Variants in C17orf67 observed in about 807,000 individuals in gnomAD.
C17orf67 encodes chromosome 17 open reading frame 67, also known as uncharacterized protein C17orf67.
Under a neutral mutation model 11.2 loss-of-function variants are expected in C17orf67, and 12 were observed. The observed-to-expected ratio is 1.07, with a 90% CI of 0.68 to 1.73. The LOEUF is 1.73. C17orf67 is among the 40% of genes most tolerant of loss of function. The pLI, the probability that C17orf67 is intolerant of heterozygous loss-of-function variation, is 0.00. For missense variants in C17orf67, 115 were observed against 113.5 expected, an observed-to-expected ratio of 1.01 and a Z score of -0.06; for synonymous variants, 59 against 46.9, an observed-to-expected ratio of 1.26 and a Z score of -1.05.
chr17:56,828,841 GCACAGTGATGACAAAAAAAAAAAAAAAAA>G (rs955860459), intron 2 of C17orf67, among the ~76,000 whole-genome samples: 11 of 123,002 alleles, frequency 8.9e-5, no homozygotes, highest in African/African-American at 3.7e-4. Context: ...TCACAGGCAA[GCACAGTGATGACAAAAAAAAAAAAAAAAA>G]CACTGCAGAG....
Position 56,800,384 on chromosome 17 carries a change from T to C in C17orf67, c.157-5204A>G, listed in dbSNP as rs578181276. Among the ~76,000 whole-genome samples the C allele has an allele frequency of 2.0e-5, 3 of 152,292 alleles. No homozygotes were observed. The South Asian group carries it at 6.2e-4, about 32-fold the overall frequency. ...CCGGCAGCAAAGTGATATATTTTTT[T>C]AATTTACCCACGTTGCTTCTTCACT... On this transcript the variant is annotated intron_variant, in intron 6 of 7. Transcript: ENST00000397861.
chr17:56,809,986 AC>A (rs1175589151), intron 6 of C17orf67, among the ~76,000 whole-genome samples: 1 of 130,648 alleles, frequency 7.7e-6, no homozygotes, highest in Non-Finnish European at 1.6e-5. Flanking sequence ...CCTTGCACAG[AC>A]CCTTCACACA....
At chr17:56,815,486 TA>T (rs1905737183) in intron 5 of C17orf67, among the ~76,000 whole-genome samples, 1 of 152,168 alleles carries the variant, frequency 6.6e-6, no homozygotes, top group African/African-American at 2.4e-5. Flanking sequence ...TGATCTCATA[TA>T]AACTCTAAAA....
At position 56,825,336 on chromosome 17, in the gene C17orf67, T is replaced by A. The variant is rs2144148829; in HGVS notation, c.-556-15A>T. 1 of 152,360 alleles carries A rather than the reference T, an allele frequency of 6.6e-6. No individual in the cohort carries two copies. Among genetic ancestry groups the A allele is most frequent in the South Asian group, 2.1e-4 (1 of 4,832 alleles). The allele number at this position is 152,360 out of a possible 1,614,324, so 9.4% of individuals were successfully genotyped here. On this transcript the variant is annotated splice_polypyrimidine_tract_variant and intron_variant, in intron 2 of 7. Coordinates refer to ENST00000397861, the MANE Select transcript of C17orf67 (RefSeq NM_001085430.4). ...GTTTTCTTCATCTGTAAAATAAGGA[T>A]GATAAACTTAACACAGTGCCTAGGA...
At chr17:56,799,984 G>GTAAAA (rs1555590469) in intron 6 of C17orf67, among the ~76,000 whole-genome samples, 1 of 140,362 alleles carries the variant, frequency 7.1e-6, no homozygotes, top group Non-Finnish European at 1.5e-5. Context: ...TTAAAGTCAT[G>GTAAAA]AAAAAAAAAA....
chr17:56,831,755 C>A (rs183664979), intron 2 of C17orf67, among the ~76,000 whole-genome samples: 50 of 152,272 alleles, frequency 3.3e-4, no homozygotes, highest in East Asian at 9.6e-4. Context: ...AAACACGTGT[C>A]TATGCAGGTC....
chr17:56,796,948 G>T lies in C17orf67; in HGVS notation c.157-1768C>A, dbSNP rs79176018. Among the ~76,000 whole-genome samples, 76 of 152,156 alleles carry T rather than the reference G, an allele frequency of 5.0e-4. No individual in the cohort carries two copies. In the East Asian group the frequency reaches 0.013, roughly 26 times the overall value. On this transcript the variant is annotated intron_variant, in intron 6 of 7. Coordinates refer to ENST00000397861, the MANE Select transcript of C17orf67 (RefSeq NM_001085430.4). Reference sequence around the variant, plus strand: ...GTCTACCTGCAAGGAGTCAGCATCTGCCTCTACCCACGGGTTTTGTCTGTG... The same window carrying T: ...GTCTACCTGCAAGGAGTCAGCATCTTCCTCTACCCACGGGTTTTGTCTGTG...
chr17:56,830,979 G>A (rs1204463393), intron 2 of C17orf67, among the ~76,000 whole-genome samples: 1 of 152,248 alleles, frequency 6.6e-6, no homozygotes, highest in Non-Finnish European at 1.5e-5. Context: ...GGACCATGCA[G>A]AGGCCAGAGT....
chr17:56,804,956 T>G (rs1905409819), intron 6 of C17orf67, among the ~76,000 whole-genome samples: 1 of 152,182 alleles, frequency 6.6e-6, no homozygotes, highest in Non-Finnish European at 1.5e-5. Flanking sequence ...CAGAGCTATA[T>G]CCCACAAAAT....
chr17:56,798,751 T>C (rs1905258641), intron 6 of C17orf67, among the ~76,000 whole-genome samples: 1 of 152,180 alleles, frequency 6.6e-6, no homozygotes, highest in South Asian at 2.1e-4. Context: ...GAGGATCTCT[T>C]GAGCCCAGGA....
chr17:56,812,439 A>G (rs1413529061), intron 6 of C17orf67, among the ~76,000 whole-genome samples: 2 of 152,244 alleles, frequency 1.3e-5, no homozygotes, highest in Non-Finnish European at 2.9e-5. Flanking sequence ...TCACCTATGG[A>G]TGAGAACTAC....
chr17:56,794,572 G>A (rs1211549985), intron 7 of C17orf67, among the ~76,000 whole-genome samples: 1 of 152,122 alleles, frequency 6.6e-6, no homozygotes, highest in Non-Finnish European at 1.5e-5. Flanking sequence ...AGGGTGGGCT[G>A]GGCAGATTGG....
chr17:56,812,477 A>C (rs1467290544), intron 6 of C17orf67, among the ~76,000 whole-genome samples: 1 of 152,168 alleles, frequency 6.6e-6, no homozygotes, highest in African/African-American at 2.4e-5. Context: ...CCAATAATTG[A>C]CTGCATGTTT....
chr17:56,833,665 C>CA lies in C17orf67; in HGVS notation c.-1050_-1049insT, dbSNP rs1054774861. ...GGGCGGTGCCGCGCAGGCCGCCTCCCCCCCTCGCTTCCCAGTCGGCTTACG... is the reference window on the plus strand; with the variant it reads ...GGGCGGTGCCGCGCAGGCCGCCTCCCACCCCTCGCTTCCCAGTCGGCTTACG... On this transcript the variant is annotated 5_prime_UTR_variant, in exon 1 of 8. The change abolishes the stop of an existing upstream ORF in the 5' untranslated region. Coordinates refer to ENST00000397861, the MANE Select transcript of C17orf67 (RefSeq NM_001085430.4). 3.9e-5 allele frequency: 6 copies of CA among 151,998 alleles called. No individual in the cohort carries two copies. The highest frequency in any genetic ancestry group is 1.5e-4 in the African/African-American group (6 of 41,376). 9.4% of individuals were successfully genotyped at this position (151,998 alleles called of 1,614,324 possible). A position where few individuals can be genotyped will look rare whatever the true frequency, so the allele number is the denominator to read the frequency against.
At chr17:56,811,496 C>T (rs1274293588) in intron 6 of C17orf67, among the ~76,000 whole-genome samples, 2 of 152,114 alleles carry the variant, frequency 1.3e-5, no homozygotes, top group South Asian at 2.1e-4. Context: ...CTTGCAGAGC[C>T]GCAGTCCATT....
chr17:56,795,003 A>C, intron 7 of C17orf67, 41 bp downstream of exon 7: 1 of 1,398,604 alleles, frequency 7.1e-7, no homozygotes. Flanking sequence ...GTCCCCCACC[A>C]CTCCCTCAGA....
chr17:56,810,321 A>G (rs995635558), intron 6 of C17orf67, among the ~76,000 whole-genome samples: 1 of 131,532 alleles, frequency 7.6e-6, no homozygotes, highest in African/African-American at 2.9e-5. Flanking sequence ...CCCTCATACA[A>G]TTCTCACATT....
chr17:56,803,000 G>A (rs995082147), intron 6 of C17orf67, among the ~76,000 whole-genome samples: 9 of 152,166 alleles, frequency 5.9e-5, no homozygotes, highest in African/African-American at 1.2e-4. Flanking sequence ...TTCTATTAGC[G>A]GTCATCGTAT....
chr17:56,802,788 G>A (rs1237852617), intron 6 of C17orf67, among the ~76,000 whole-genome samples: 1 of 152,228 alleles, frequency 6.6e-6, no homozygotes, highest in Non-Finnish European at 1.5e-5. Flanking sequence ...TTCCGTAAAG[G>A]CTTGTTGAAG....
Sources: allele counts gnomAD v4.1 joint callset (sites outside exome capture counted in the v4.1 genomes callset), GRCh38; gene constraint gnomAD v4.1.1; transcripts MANE v1.5; gene names NCBI Gene and HGNC (gene_info 2026-07-23, HGNC 2026-07-21).